ERBB4: variants seen among roughly 807,000 people sequenced by gnomAD.
The protein encoded by ERBB4 is erb-b2 receptor tyrosine kinase 4.
Under a neutral mutation model 158.0 loss-of-function variants are expected in ERBB4, and 42 were observed. The observed-to-expected ratio is 0.27, with a 90% CI of 0.21 to 0.34. ERBB4 has a LOEUF of 0.34. ERBB4 is among the 10% of genes least tolerant of loss of function. The pLI, the probability that ERBB4 is intolerant of heterozygous loss-of-function variation, is 1.00. For synonymous variants in ERBB4, 583 were observed against 558.7 expected (o/e 1.04, Z -0.61); for missense variants, 1,333 against 1,624.1 (o/e 0.82, Z 3.08).
At position 211,376,069 on chromosome 2, in the gene ERBB4, C is replaced by T; in HGVS notation, c.*7546G>A. ...GAAAGTATACTAAAAATATGCCTAA[C>T]ATTAAAAAAGTTAGTATGTGTTAGG... On this transcript the variant is annotated 3_prime_UTR_variant, in exon 28 of 28. Coordinates refer to ENST00000342788, the MANE Select transcript of ERBB4 (RefSeq NM_005235.3). The T allele has an allele frequency of 4.3e-6, 1 of 233,028 alleles. No individual in the cohort carries two copies. The highest frequency in any genetic ancestry group is 8.5e-6 in the Non-Finnish European group (1 of 117,704). 14.4% of individuals were successfully genotyped at this position (233,028 alleles called of 1,614,324 possible).
At chr2:211,424,079 G>A in intron 23 of ERBB4, 76 bp downstream of exon 23, 1 of 1,387,150 alleles carries the variant, frequency 7.2e-7, no homozygotes, top group Non-Finnish European at 1.0e-6. Flanking sequence ...ACAGAGAAAT[G>A]TTGTACAGAT....
intron 9 of ERBB4, 75 bp from the exon 10 acceptor site, chr2:211,705,466 T>A (rs997497288): frequency 1.0e-6 from 1 of 984,676 alleles, no homozygotes; most frequent in Middle Eastern, 2.1e-4. Flanking sequence ...TGTGACAATA[T>A]TTTATTCAAA....
chr2:211,961,076 TA>T (rs923514455), intron 2 of ERBB4, among the ~76,000 whole-genome samples: 3 of 152,110 alleles, frequency 2.0e-5, no homozygotes, highest in Admixed American at 2.0e-4. Context: ...TATTTATTTT[TA>T]AAAATTGGAG....
intron 1 of ERBB4, among the ~76,000 whole-genome samples, chr2:212,440,274 T>C (rs1159541861): frequency 5.9e-5 from 9 of 152,156 alleles, no homozygotes; most frequent in Non-Finnish European, 1.3e-4. Flanking sequence ...GTGGGAACAA[T>C]CTAATCAGCT....
At chr2:212,057,800 T>C (rs1026581867) in intron 2 of ERBB4, among the ~76,000 whole-genome samples, 3 of 152,174 alleles carry the variant, frequency 2.0e-5, no homozygotes, top group East Asian at 1.9e-4. Flanking sequence ...GGGAAATTTA[T>C]AGCACTAAAT....
chr2:211,443,730 C>T (rs1030941804), intron 20 of ERBB4, among the ~76,000 whole-genome samples: 1 of 151,970 alleles, frequency 6.6e-6, no homozygotes, highest in Non-Finnish European at 1.5e-5. Flanking sequence ...CAGCCATAGG[C>T]ACGTTAGACA....
chr2:211,443,010 G>T (rs767730836), intron 20 of ERBB4, among the ~76,000 whole-genome samples: 19 of 151,784 alleles, frequency 1.3e-4, no homozygotes, highest in African/African-American at 4.1e-4. Flanking sequence ...ATTTCATCAC[G>T]TTTTGGGACA....
Position 211,577,484 on chromosome 2 carries a change from C to A in ERBB4, c.2302-15396G>T, listed in dbSNP as rs999631124. 3.3e-5 allele frequency among the ~76,000 whole-genome samples: 5 copies of A among 151,962 alleles called. 1 individual carries two copies. The highest frequency in any genetic ancestry group is 1.5e-5 in the Non-Finnish European group (1 of 67,992). On this transcript the variant is annotated intron_variant, in intron 19 of 27. Coordinates refer to ENST00000342788, the MANE Select transcript of ERBB4 (RefSeq NM_005235.3). The stretch of plus-strand genomic sequence containing the variant: ...TATGAGGCCAGTATCATCCTGACAC[C>A]AAAACCTGGCAGAGATACAACAAAA...
At chr2:211,386,728 C>G (rs976291193) in intron 27 of ERBB4, 125 bp downstream of exon 27, 1 of 825,196 alleles carries the variant, frequency 1.2e-6, no homozygotes, top group Non-Finnish European at 2.1e-6. Flanking sequence ...TAGCAGTAGC[C>G]TAGGCCTTTA....
Position 211,741,670 on chromosome 2 carries a change from A to T in ERBB4, c.622+8969T>A, listed in dbSNP as rs189673929. ...TGTATCTAACCCACAGTATGGCCAC[A>T]GAACAGGAACAATTTTATATATACC... On this transcript the variant is annotated intron_variant, in intron 5 of 27. Coordinates refer to ENST00000342788, the MANE Select transcript of ERBB4 (RefSeq NM_005235.3). Among the ~76,000 whole-genome samples the T allele has an allele frequency of 7.2e-5, 11 of 152,268 alleles. No homozygotes were observed. In the East Asian group the frequency reaches 2.1e-3, roughly 29 times the overall value.
At chr2:212,073,662 T>C (rs894617558) in intron 2 of ERBB4, among the ~76,000 whole-genome samples, 1 of 151,968 alleles carries the variant, frequency 6.6e-6, no homozygotes, top group Non-Finnish European at 1.5e-5. Flanking sequence ...AATTTCTTGG[T>C]GCACAGAGCA....
chr2:211,857,230 A>T, intron 3 of ERBB4, among the ~76,000 whole-genome samples: 1 of 151,330 alleles, frequency 6.6e-6, no homozygotes, highest in Non-Finnish European at 1.5e-5. Context: ...AGTTTTTGCA[A>T]CTGATATTTT....
intron 1 of ERBB4, among the ~76,000 whole-genome samples, chr2:212,273,574 C>T (rs1225703836): frequency 6.6e-6 from 1 of 151,756 alleles, no homozygotes; most frequent in Non-Finnish European, 1.5e-5. Flanking sequence ...TATTATTACT[C>T]ATATTTTAAA....
At chr2:212,477,245 T>C (rs1028021570) in intron 1 of ERBB4, among the ~76,000 whole-genome samples, 6 of 151,980 alleles carry the variant, frequency 3.9e-5, no homozygotes, top group Non-Finnish European at 7.4e-5. Flanking sequence ...GATTAAAGAG[T>C]GTCTGTGTCT....
intron 3 of ERBB4, among the ~76,000 whole-genome samples, chr2:211,863,443 C>T (rs577179471): frequency 6.6e-6 from 1 of 152,334 alleles, no homozygotes; most frequent in Admixed American, 6.5e-5. Flanking sequence ...ATAAATCTTG[C>T]TATTGCTCAC....
chr2:211,855,528 T>A lies in ERBB4; in HGVS notation c.422-67369A>T, dbSNP rs142197162. ...TGGTGTGAGATTTGAATCAAGACAA[T>A]TTCTACATAGATATCTCATTATTCC... On this transcript the variant is annotated intron_variant, in intron 3 of 27. Coordinates refer to ENST00000342788, the MANE Select transcript of ERBB4 (RefSeq NM_005235.3). Among the ~76,000 whole-genome samples, 133 of 152,304 alleles carry A rather than the reference T, an allele frequency of 8.7e-4. 1 individual carries two copies. The highest frequency in any genetic ancestry group is 3.0e-3 in the African/African-American group (123 of 41,574).
At chr2:212,281,746 C>T (rs887710242) in intron 1 of ERBB4, among the ~76,000 whole-genome samples, 2 of 151,624 alleles carry the variant, frequency 1.3e-5, no homozygotes, top group African/African-American at 4.8e-5. Flanking sequence ...ATTATTTTTC[C>T]ATAATTTACC....
intron 3 of ERBB4, among the ~76,000 whole-genome samples, chr2:211,833,342 C>A (rs1471441695): frequency 6.6e-6 from 1 of 152,126 alleles, no homozygotes; most frequent in Admixed American, 6.6e-5. Flanking sequence ...TTTTTCTGCT[C>A]TGCCATTCTC....
chr2:211,963,149 C>T (rs971430848), intron 2 of ERBB4, among the ~76,000 whole-genome samples: 6 of 151,948 alleles, frequency 3.9e-5, no homozygotes, highest in East Asian at 3.9e-4. Context: ...GGGTGTTTTG[C>T]TTTCCAGAAG....
Sources: gnomAD v4.1 joint callset for allele counts (sites outside exome capture counted in the v4.1 genomes callset) on GRCh38, gnomAD v4.1.1 for gene constraint, MANE v1.5 for transcripts, NCBI Gene and HGNC (gene_info 2026-07-23, HGNC 2026-07-21) for gene names.